GABRG1: variants seen among roughly 807,000 people sequenced by gnomAD.
GABRG1 encodes the protein gamma-aminobutyric acid type A receptor subunit gamma1.
GABRG1 carries 49 observed loss-of-function variants against 49.8 expected under a neutral mutation model. The ratio of observed to expected loss-of-function variants is 0.98; its 90% CI spans 0.78 to 1.25. The LOEUF is 1.25. Ranked by LOEUF, GABRG1 falls within the 50% of genes most tolerant of loss-of-function variation. The pLI, the probability that GABRG1 is intolerant of heterozygous loss-of-function variation, is 0.00. For synonymous variants in GABRG1, 232 were observed against 185.1 expected, an observed-to-expected ratio of 1.25 and a Z score of -2.06; for missense variants, 552 against 552.3, an observed-to-expected ratio of 1.00 and a Z score of 0.01.
chr4:46,116,942 A>ACTGGAAATTTATATTTC (rs1246601190), intron 1 of GABRG1, among the ~76,000 whole-genome samples: 2 of 150,552 alleles, frequency 1.3e-5, no homozygotes, highest in Non-Finnish European at 3.0e-5. Flanking sequence ...ACACTCTATT[A>ACTGGAAATTTATATTTC]CACGTGCTGG....
intron 5 of GABRG1, among the ~76,000 whole-genome samples, chr4:46,062,148 T>C (rs1366503151): frequency 6.6e-6 from 1 of 151,444 alleles, no homozygotes; most frequent in Non-Finnish European, 1.5e-5. Flanking sequence ...GTCCTTGTGA[T>C]AGTTTACTGA....
chr4:46,089,223 G>A (rs929238856), intron 2 of GABRG1, among the ~76,000 whole-genome samples: 6 of 151,898 alleles, frequency 4.0e-5, no homozygotes, highest in African/African-American at 1.2e-4. Context: ...TCCCAAGCCA[G>A]GGAATTGAGC....
intron 3 of GABRG1, 136 bp downstream of exon 3, chr4:46,083,850 G>C: frequency 1.5e-6 from 1 of 654,764 alleles, no homozygotes; most frequent in South Asian, 1.7e-5. Flanking sequence ...CCAATACCTG[G>C]CACAAAGTAA....
chr4:46,123,255 T>A (rs1251186876), intron 1 of GABRG1, among the ~76,000 whole-genome samples: 1 of 152,008 alleles, frequency 6.6e-6, no homozygotes, highest in Non-Finnish European at 1.5e-5. Flanking sequence ...AGTTTTTACT[T>A]GGATACTATA....
rs1270474769 is a variant in GABRG1, at chr4:46,039,819, CT to C, written c.*1168del. On this transcript the variant is annotated 3_prime_UTR_variant, in exon 9 of 9. Coordinates refer to ENST00000295452, the MANE Select transcript of GABRG1 (RefSeq NM_173536.4). ...AAAGATGCCTCTAACAAAACTCCCT[CT>C]TTAACATGATTTTGAGGCTGCCCCC... 1 of 151,510 alleles carries C rather than the reference CT, an allele frequency of 6.6e-6. No homozygotes were observed. Among genetic ancestry groups the C allele is most frequent in the Admixed American group, 6.6e-5 (1 of 15,126 alleles). 9.4% of individuals were successfully genotyped at this position (151,510 alleles called of 1,614,324 possible). A position where few individuals can be genotyped will look rare whatever the true frequency, so the allele number is the denominator to read the frequency against.
intron 1 of GABRG1, among the ~76,000 whole-genome samples, chr4:46,116,016 G>A (rs931141904): frequency 1.3e-5 from 2 of 150,618 alleles, no homozygotes; most frequent in Non-Finnish European, 3.0e-5. Flanking sequence ...GTAGCTTTTT[G>A]ATTGATTTTT....
At chr4:46,085,367 A>T (rs1345250643) in intron 2 of GABRG1, among the ~76,000 whole-genome samples, 6 of 151,572 alleles carry the variant, frequency 4.0e-5, no homozygotes, top group African/African-American at 9.7e-5. Context: ...AGAAGCAGAG[A>T]TACTGAAGTG....
chr4:46,059,537 C>T (rs888074926), intron 5 of GABRG1, among the ~76,000 whole-genome samples: 5 of 151,900 alleles, frequency 3.3e-5, no homozygotes, highest in African/African-American at 1.2e-4. Context: ...TATACAGGTG[C>T]TTGCCAACAC....
chr4:46,113,941 C>T (rs1720797194), intron 1 of GABRG1, among the ~76,000 whole-genome samples: 2 of 151,014 alleles, frequency 1.3e-5, no homozygotes, highest in South Asian at 2.1e-4. Flanking sequence ...AGAAAAGAAA[C>T]GTATCTTCTG....
intron 1 of GABRG1, among the ~76,000 whole-genome samples, chr4:46,102,740 A>T (rs1006341667): frequency 6.6e-6 from 1 of 151,662 alleles, no homozygotes; most frequent in African/African-American, 2.4e-5. Context: ...GATGACAAGA[A>T]ATTACTGTAT....
rs1435445969 is a variant in GABRG1 at position 46,114,013 on chromosome 4, A to AAAAATC, written c.104+9791_104+9796dup. ...AAGAACTAGCTTTTCAAAGGGTAGG[A>AAAAATC]AAAATCACTGATTTTAGACCTAAAA... On this transcript the variant is annotated intron_variant, in intron 1 of 8. Transcript: ENST00000295452. Among the ~76,000 whole-genome samples the AAAAATC allele has an allele frequency of 2.0e-5, 3 of 151,186 alleles. No homozygotes were observed. The East Asian group carries it at 5.9e-4, about 30-fold the overall frequency.
intron 5 of GABRG1, among the ~76,000 whole-genome samples, chr4:46,063,394 A>G (rs1718787717): frequency 6.6e-6 from 1 of 152,132 alleles, no homozygotes; most frequent in Non-Finnish European, 1.5e-5. Context: ...TCTTTGACAA[A>G]GCTGAGAAAA....
intron 1 of GABRG1, among the ~76,000 whole-genome samples, chr4:46,121,392 C>A (rs562395139): frequency 4.0e-5 from 6 of 151,856 alleles, no homozygotes; most frequent in African/African-American, 1.4e-4. Context: ...AAAAAGTTCA[C>A]CCAACTGTAG....
intron 2 of GABRG1, among the ~76,000 whole-genome samples, chr4:46,096,270 T>G (rs1034785403): frequency 6.6e-5 from 10 of 151,760 alleles, no homozygotes; most frequent in African/African-American, 2.4e-4. Context: ...CATTAATTGT[T>G]GTATGGACAG....
At chr4:46,089,399 A>G (rs527975159) in intron 2 of GABRG1, among the ~76,000 whole-genome samples, 3 of 152,206 alleles carry the variant, frequency 2.0e-5, no homozygotes, top group African/African-American at 7.2e-5. Context: ...CCCAGTTAAA[A>G]CGTAGACCAA....
intron 8 of GABRG1, among the ~76,000 whole-genome samples, chr4:46,046,168 C>A (rs993858278): frequency 6.6e-6 from 1 of 152,050 alleles, no homozygotes; most frequent in Non-Finnish European, 1.5e-5. Context: ...CAACCATGCT[C>A]CACTATTACT....
In GABRG1 at chr4:46,041,100, T is replaced by C; in HGVS notation, c.1286A>G (p.Glu429Gly). 6.2e-7 allele frequency: 1 copy of C among 1,613,166 alleles called. No homozygotes were observed. The highest frequency in any genetic ancestry group is 8.5e-7 in the Non-Finnish European group (1 of 1,179,418). Reference sequence around the variant, plus strand: ...GGCAATGCGTATGTGTATCCTTCCTTCCCTCCAAGATCCTGTTCTGCAGTC... The same window carrying C: ...GGCAATGCGTATGTGTATCCTTCCTCCCCTCCAAGATCCTGTTCTGCAGTC... Reference protein sequence around the residue: ...FEDCRTGSWREGRIHIRIAKI... With the variant: ...FEDCRTGSWRGGRIHIRIAKI... The change falls in exon 9 of 9, where the codon GAA (glutamate) becomes GGA (glycine). Residue 429 changes from glutamate to glycine, a missense_variant. Coordinates refer to ENST00000295452, the MANE Select transcript of GABRG1 (RefSeq NM_173536.4).
At chr4:46,114,145 C>T (rs954858499) in intron 1 of GABRG1, among the ~76,000 whole-genome samples, 2 of 151,124 alleles carry the variant, frequency 1.3e-5, no homozygotes, top group African/African-American at 4.8e-5. Flanking sequence ...TAATTTTTCA[C>T]TGTACAAAAG....
At chr4:46,099,176 A>C (rs1360354561) in intron 1 of GABRG1, among the ~76,000 whole-genome samples, 1 of 151,656 alleles carries the variant, frequency 6.6e-6, no homozygotes, top group Non-Finnish European at 1.5e-5. Context: ...TGTAATTTGC[A>C]ATACTCCTTC....
Sources: allele counts gnomAD v4.1 joint callset (sites outside exome capture counted in the v4.1 genomes callset), GRCh38; gene constraint gnomAD v4.1.1; transcripts MANE v1.5; gene names NCBI Gene and HGNC (gene_info 2026-07-23, HGNC 2026-07-21).